TTC28: variants seen among roughly 807,000 people sequenced by gnomAD.
The protein encoded by TTC28 is tetratricopeptide repeat domain 28, also known as tetratricopeptide repeat protein 28.
A neutral mutation model predicts 198.0 loss-of-function variants in TTC28; 61 were observed. That is an observed-to-expected ratio of 0.31 (90% confidence interval 0.25 to 0.38). TTC28 has a LOEUF of 0.38. Ranked by LOEUF, TTC28 falls within the 10% of genes least tolerant of loss-of-function variation. TTC28 has a pLI of 1.00. For synonymous variants in TTC28, 1,171 were observed against 1,297.8 expected, an observed-to-expected ratio of 0.90 and a Z score of 2.10; for missense variants, 2,678 against 3,164.0, an observed-to-expected ratio of 0.85 and a Z score of 3.69.
chr22:28,376,085 A>C (rs964747030), intron 2 of TTC28, among the ~76,000 whole-genome samples: 1 of 152,150 alleles, frequency 6.6e-6, no homozygotes, highest in Non-Finnish European at 1.5e-5. Context: ...CTTGGCCCCC[A>C]TAATCTCATG....
rs1350432062 is a variant in TTC28 at position 28,107,575 on chromosome 22, T to G, written c.2270A>C (p.Tyr757Ser). 2 of 1,551,814 alleles carry G rather than the reference T, an allele frequency of 1.3e-6. No individual in the cohort carries two copies. Among genetic ancestry groups the G allele is most frequent in the Admixed American group, 2.0e-5 (1 of 51,014 alleles). Residue 757 changes from tyrosine to serine, a missense_variant, in exon 7 of 23, where the codon TAT (tyrosine) becomes TCT (serine). Tyr to Ser is a moderately radical substitution (Grantham distance 144). Coordinates refer to ENST00000397906, the MANE Select transcript of TTC28 (RefSeq NM_001145418.2). ...VKDRRLEASA[Y>S]AALGTAYRMI... ...TCGGTATGCAGTGCCCAGGGCTGCA[T>G]ATGCACTGGCTTCTAATCTTCTGTC...
In TTC28 at chr22:27,981,900, T is replaced by C; in HGVS notation, c.*321A>G. The C allele has an allele frequency of 3.6e-6, 1 of 278,040 alleles. No homozygotes were observed. Among genetic ancestry groups the C allele is most frequent in the Non-Finnish European group, 6.6e-6 (1 of 150,446 alleles). The allele number at this position is 278,040 out of a possible 1,614,324, so 17.2% of individuals were successfully genotyped here. The stretch of plus-strand genomic sequence containing the variant: ...CCCCACCCCAGAACCATGATCATTT[T>C]TGTACAAAATCCTGGTGAAGAATCA... On this transcript the variant is annotated 3_prime_UTR_variant, in exon 23 of 23. Transcript: ENST00000397906.
At chr22:28,604,587 T>C (rs2050699871) in intron 2 of TTC28, among the ~76,000 whole-genome samples, 1 of 151,186 alleles carries the variant, frequency 6.6e-6, no homozygotes, top group African/African-American at 2.4e-5. Context: ...CTACTAAAAA[T>C]ACAGAAATTA....
chr22:28,072,811 T>C (rs1386000045), intron 12 of TTC28, among the ~76,000 whole-genome samples: 1 of 152,008 alleles, frequency 6.6e-6, no homozygotes, highest in Non-Finnish European at 1.5e-5. Flanking sequence ...GAACAGAGGG[T>C]TTACACCAGG....
chr22:28,459,230 C>A (rs556148186), intron 2 of TTC28, among the ~76,000 whole-genome samples: 2 of 152,018 alleles, frequency 1.3e-5, no homozygotes, highest in Non-Finnish European at 2.9e-5. Context: ...AGTTCGAGAC[C>A]AGCCTGGGAA....
At chr22:28,452,317 G>A (rs1377828810) in intron 2 of TTC28, among the ~76,000 whole-genome samples, 1 of 145,558 alleles carries the variant, frequency 6.9e-6, no homozygotes, top group African/African-American at 2.6e-5. Context: ...TTGAACCCAG[G>A]AGGCAGAGGT....
At chr22:28,493,048 A>G (rs1490774276) in intron 2 of TTC28, among the ~76,000 whole-genome samples, 3 of 116,658 alleles carry the variant, frequency 2.6e-5, no homozygotes, top group Admixed American at 8.2e-5. Flanking sequence ...TCACGATACT[A>G]AAAAAAAAAA....
At position 28,388,699 on chromosome 22, in the gene TTC28, G is replaced by A. The variant is rs560671671; in HGVS notation, c.382-82056C>T. Among the ~76,000 whole-genome samples the A allele has an allele frequency of 9.8e-5, 15 of 152,338 alleles. No individual in the cohort carries two copies. The East Asian group carries it at 2.9e-3, about 29-fold the overall frequency. ...CTTTTGTACATTGATTTTGTATCCT[G>A]AGAATTTGCTCAAGTTGCTTATCAG... On this transcript the variant is annotated intron_variant, in intron 2 of 22. Coordinates refer to ENST00000397906, the MANE Select transcript of TTC28 (RefSeq NM_001145418.2).
At chr22:28,564,616 A>G (rs990205366) in intron 2 of TTC28, among the ~76,000 whole-genome samples, 9 of 151,836 alleles carry the variant, frequency 5.9e-5, no homozygotes, top group African/African-American at 9.7e-5. Context: ...CATCTCAACA[A>G]TACTATACAG....
intron 1 of TTC28, among the ~76,000 whole-genome samples, chr22:28,662,181 T>C (rs2051759998): frequency 1.3e-5 from 2 of 152,206 alleles, no homozygotes; most frequent in Admixed American, 1.3e-4. Flanking sequence ...TAGAGACAAA[T>C]TCCAGAATGG....
intron 2 of TTC28, among the ~76,000 whole-genome samples, chr22:28,539,192 T>G (rs2049359240): frequency 6.6e-6 from 1 of 151,946 alleles, no homozygotes; most frequent in African/African-American, 2.4e-5. Context: ...GGCAGGAAGT[T>G]AGGAATTGAG....
At chr22:28,096,434 G>A in intron 10 of TTC28, 26 bp from the exon 11 acceptor site, 1 of 1,549,334 alleles carries the variant, frequency 6.5e-7, no homozygotes, top group Non-Finnish European at 8.7e-7. Context: ...ATATGCCGAG[G>A]AGTCCATAGT....
intron 2 of TTC28, among the ~76,000 whole-genome samples, chr22:28,419,960 T>C (rs1025498131): frequency 2.8e-4 from 43 of 152,206 alleles, no homozygotes; most frequent in African/African-American, 9.7e-4. Context: ...AATTCACAGA[T>C]TTATCGGAAG....
chr22:28,573,169 G>A (rs1272751428), intron 2 of TTC28, among the ~76,000 whole-genome samples: 1 of 146,580 alleles, frequency 6.8e-6, no homozygotes, highest in Non-Finnish European at 1.5e-5. Flanking sequence ...ATAAAAAACA[G>A]AAACAGGCCA....
intron 13 of TTC28, among the ~76,000 whole-genome samples, chr22:28,018,276 T>TGC (rs1224329435): frequency 8.8e-6 from 1 of 113,748 alleles, no homozygotes; most frequent in East Asian, 3.0e-4. Context: ...TGTGTGTGTG[T>TGC]GTATGTGTGT....
intron 2 of TTC28, among the ~76,000 whole-genome samples, chr22:28,423,287 G>A (rs932108234): frequency 1.3e-5 from 2 of 152,180 alleles, no homozygotes; most frequent in African/African-American, 4.8e-5. Flanking sequence ...CTGCTCAGGA[G>A]GCTGAGGCAG....
intron 5 of TTC28, among the ~76,000 whole-genome samples, chr22:28,186,719 A>T (rs1035460356): frequency 5.9e-5 from 9 of 151,850 alleles, no homozygotes; most frequent in African/African-American, 9.7e-5. Flanking sequence ...TTTCTGAAAA[A>T]CTCTGGGATT....
chr22:28,265,044 A>G (rs973058331), intron 5 of TTC28, among the ~76,000 whole-genome samples: 1 of 152,172 alleles, frequency 6.6e-6, no homozygotes, highest in Non-Finnish European at 1.5e-5. Flanking sequence ...CAATATGTAA[A>G]TATATAAGTA....
At chr22:28,619,955 A>C (rs889403274) in intron 2 of TTC28, among the ~76,000 whole-genome samples, 6 of 152,256 alleles carry the variant, frequency 3.9e-5, no homozygotes, top group African/African-American at 1.4e-4. Context: ...ACCACATTGA[A>C]GATAAAGTCC....
Sources: gnomAD v4.1 joint callset for allele counts (sites outside exome capture counted in the v4.1 genomes callset) on GRCh38, gnomAD v4.1.1 for gene constraint, MANE v1.5 for transcripts, NCBI Gene and HGNC (gene_info 2026-07-23, HGNC 2026-07-21) for gene names.